Variants in MINDY2 observed in about 807,000 individuals in gnomAD.
The protein encoded by MINDY2 is ubiquitin carboxyl-terminal hydrolase MINDY-2.
Under a neutral mutation model 68.2 loss-of-function variants are expected in MINDY2, and 52 were observed. The ratio of observed to expected loss-of-function variants is 0.76; its 90% CI spans 0.61 to 0.96. The LOEUF is 0.96. Ranked by LOEUF, MINDY2 falls within the 40% of genes least tolerant of loss-of-function variation. The probability of loss-of-function intolerance (pLI) is 0.00; values close to 1 mark genes in which losing one functional copy is unlikely to be tolerated. For synonymous variants in MINDY2, 372 were observed against 303.0 expected, an observed-to-expected ratio of 1.23 and a Z score of -2.36; for missense variants, 881 against 773.4, an observed-to-expected ratio of 1.14 and a Z score of -1.65.
At chr15:58,844,516 C>T (rs1445123893) in intron 6 of MINDY2, among the ~76,000 whole-genome samples, 2 of 141,708 alleles carry the variant, frequency 1.4e-5, no homozygotes, top group Non-Finnish European at 3.0e-5. Flanking sequence ...TGTGCCACTG[C>T]ACTCCAGTAC....
chr15:58,847,284 A>G lies in MINDY2; in HGVS notation c.1369-13A>G, dbSNP rs369058006. 26 of 1,529,858 alleles carry G rather than the reference A, an allele frequency of 1.7e-5. No individual in the cohort carries two copies. The African/African-American group carries it at 2.5e-4, about 15-fold the overall frequency. 94.8% of individuals were successfully genotyped at this position (1,529,858 alleles called of 1,614,324 possible). A position where few individuals can be genotyped will look rare whatever the true frequency, so the allele number is the denominator to read the frequency against. On this transcript the variant is annotated splice_polypyrimidine_tract_variant and intron_variant, in intron 6 of 8. Coordinates refer to ENST00000559228, the MANE Select transcript of MINDY2 (RefSeq NM_001040450.3). ...ATTTAACAGTCCTTTTTCTTTTGTT[A>G]CTTCTTATTAAGGGTCAACTGTATT...
chr15:58,815,301 T>C (rs1321221478), intron 4 of MINDY2: 1 of 152,172 alleles, frequency 6.6e-6, no homozygotes, highest in Non-Finnish European at 1.5e-5. Flanking sequence ...GCATCCAGTT[T>C]AATTAAAATA....
chr15:58,841,117 G>T (rs2032261120), intron 6 of MINDY2, among the ~76,000 whole-genome samples: 1 of 151,644 alleles, frequency 6.6e-6, no homozygotes, highest in African/African-American at 2.4e-5. Context: ...GAGTAGCTGG[G>T]ATTATAGGCG....
chr15:58,802,189 G>A (rs1336391066), intron 2 of MINDY2, 124 bp from the exon 3 acceptor site: 2 of 667,910 alleles, frequency 3.0e-6, no homozygotes, highest in East Asian at 2.9e-5. Context: ...GGATTGGGGA[G>A]TCAATTTTAT....
intron 1 of MINDY2, among the ~76,000 whole-genome samples, chr15:58,785,334 A>T (rs1901423790): frequency 6.6e-6 from 1 of 152,100 alleles, no homozygotes; most frequent in Non-Finnish European, 1.5e-5. Flanking sequence ...TAAGTAAGTG[A>T]GTCGAAATAT....
intron 2 of MINDY2, chr15:58,796,194 G>A (rs1450620874): frequency 2.2e-6 from 1 of 452,630 alleles, no homozygotes; most frequent in African/African-American, 2.0e-5. Flanking sequence ...GCTTAATGGA[G>A]AACATGTGAC....
At chr15:58,803,310 CA>C (rs67908953) in intron 3 of MINDY2, among the ~76,000 whole-genome samples, 1 of 149,742 alleles carries the variant, frequency 6.7e-6, no homozygotes, top group Non-Finnish European at 1.5e-5. Flanking sequence ...ACTAAAAATA[CA>C]AAAAAAATTA....
chr15:58,802,993 A>T (rs188019725), intron 3 of MINDY2, among the ~76,000 whole-genome samples: 219 of 152,332 alleles, frequency 1.4e-3, no homozygotes, highest in Non-Finnish European at 2.5e-3. Context: ...TTAGAGTGGA[A>T]GGAAGTATTA....
rs1332686631 is a variant in MINDY2 at position 58,861,138 on chromosome 15, T to G, written c.*6528T>G. The G allele has an allele frequency of 1.3e-5, 2 of 152,170 alleles. No individual in the cohort carries two copies. The highest frequency in any genetic ancestry group is 2.9e-5 in the Non-Finnish European group (2 of 68,038). The allele number at this position is 152,170 out of a possible 1,614,324, so 9.4% of individuals were successfully genotyped here. The stretch of plus-strand genomic sequence containing the variant: ...TTTTCCTTGAATTGTGCAGAATAAT[T>G]GGATTGAGGCACATATTTTGAGGAG... On this transcript the variant is annotated 3_prime_UTR_variant, in exon 9 of 9. Coordinates refer to ENST00000559228, the MANE Select transcript of MINDY2 (RefSeq NM_001040450.3).
rs752539072 is a variant in MINDY2 at position 58,802,360 on chromosome 15, C to G, written c.946C>G (p.Arg316Gly). Reference sequence around the variant, plus strand: ...GCCAAAAGAAATTTCAGAAATTCAACGTTTAAATTATGAACAGGTAATAAA... The same window carrying G: ...GCCAAAAGAAATTTCAGAAATTCAAGGTTTAAATTATGAACAGGTAATAAA... ...AKPKEISEIQ[R>G]LNYEQNMSDA... is the part of the protein sequence containing the mutation. The change falls in exon 3 of 9, where the codon CGT (arginine) becomes GGT (glycine). Residue 316 changes from arginine (R) to glycine (G), a missense_variant. Transcript: ENST00000559228. 8 of 1,579,118 alleles carry G rather than the reference C, an allele frequency of 5.1e-6. No individual in the cohort carries two copies. The Admixed American group carries it at 1.3e-4, about 25-fold the overall frequency.
In MINDY2 at chr15:58,857,066, A is replaced by T. The variant is rs1249451717; in HGVS notation, c.*2456A>T. 1.3e-5 allele frequency: 2 copies of T among 152,190 alleles called. No individual in the cohort carries two copies. Among genetic ancestry groups the T allele is most frequent in the Admixed American group, 6.6e-5 (1 of 15,260 alleles). 9.4% of individuals were successfully genotyped at this position (152,190 alleles called of 1,614,324 possible). ...GAAAAACTAAAAAATGTAATGTGTTAATTCAGCCTTTTTCTATGTAATATT... is the reference window on the plus strand; with the variant it reads ...GAAAAACTAAAAAATGTAATGTGTTTATTCAGCCTTTTTCTATGTAATATT... On this transcript the variant is annotated 3_prime_UTR_variant, in exon 9 of 9. Transcript: ENST00000559228.
At chr15:58,820,715 T>C (rs1305757281) in intron 4 of MINDY2, among the ~76,000 whole-genome samples, 1 of 152,080 alleles carries the variant, frequency 6.6e-6, no homozygotes, top group East Asian at 1.9e-4. Flanking sequence ...GAGCCTGAAA[T>C]TCTTTTACAT....
At chr15:58,795,379 A>T (rs1902212960) in intron 2 of MINDY2, among the ~76,000 whole-genome samples, 1 of 151,900 alleles carries the variant, frequency 6.6e-6, no homozygotes, top group Non-Finnish European at 1.5e-5. Flanking sequence ...ACATTTTAAT[A>T]CTGTAGATAT....
chr15:58,795,154 C>T (rs1362496442), intron 2 of MINDY2, among the ~76,000 whole-genome samples: 2 of 150,872 alleles, frequency 1.3e-5, no homozygotes, highest in African/African-American at 4.9e-5. Context: ...CCAGCCTGGG[C>T]ACCAGAGCGA....
intron 4 of MINDY2, chr15:58,815,370 A>T (rs1168087011): frequency 6.6e-6 from 1 of 152,000 alleles, no homozygotes; most frequent in Admixed American, 6.6e-5. Context: ...TGTTTTTTTG[A>T]GACAGAGTCT....
At chr15:58,832,228 C>CTTTTTT in intron 6 of MINDY2, among the ~76,000 whole-genome samples, 1 of 139,996 alleles carries the variant, frequency 7.1e-6, no homozygotes, top group Non-Finnish European at 1.6e-5. Flanking sequence ...AGGATGACTT[C>CTTTTTT]TTTTTTTTTT....
intron 2 of MINDY2, among the ~76,000 whole-genome samples, chr15:58,798,135 G>A (rs1297423289): frequency 1.3e-5 from 2 of 151,720 alleles, no homozygotes; most frequent in African/African-American, 4.8e-5. Flanking sequence ...TTTTCTTCCC[G>A]AGATGGAGTC....
chr15:58,771,837 T>G lies in MINDY2; in HGVS notation c.442T>G (p.Ser148Ala), dbSNP rs1355385965. The G allele has an allele frequency of 2.5e-6, 4 of 1,607,414 alleles. No individual in the cohort carries two copies. The highest frequency in any genetic ancestry group is 1.7e-4 in the Middle Eastern group (1 of 6,016). Residue 148 changes from serine (S) to alanine (A), a missense_variant, in exon 1 of 9, where the codon TCC (serine) becomes GCC (alanine). Transcript: ENST00000559228. Reference protein sequence around the residue: ...TCQAELTAAGSEEPSSAGGLS... With the variant: ...TCQAELTAAGAEEPSSAGGLS... ...CCAAGCAGAACTGACCGCCGCCGGCTCCGAAGAGCCCAGCAGCGCCGGCGG... is the reference window on the plus strand; with the variant it reads ...CCAAGCAGAACTGACCGCCGCCGGCGCCGAAGAGCCCAGCAGCGCCGGCGG...
At chr15:58,799,437 G>A (rs1476837527) in intron 2 of MINDY2, among the ~76,000 whole-genome samples, 1 of 152,006 alleles carries the variant, frequency 6.6e-6, no homozygotes, top group East Asian at 1.9e-4. Flanking sequence ...CGTGGTGGCG[G>A]GTGCCTGTAG....
Sources: allele counts gnomAD v4.1 joint callset (sites outside exome capture counted in the v4.1 genomes callset), GRCh38; gene constraint gnomAD v4.1.1; transcripts MANE v1.5; gene names NCBI Gene and HGNC (gene_info 2026-07-23, HGNC 2026-07-21).